PRDM14: variants seen among roughly 807,000 people sequenced by gnomAD.
The protein encoded by PRDM14 is PR/SET domain 14.
PRDM14 carries 16 observed loss-of-function variants against 48.0 expected under a neutral mutation model. The observed-to-expected ratio is 0.33, with a 90% CI of 0.23 to 0.51. The LOEUF is 0.51. Among genes scored for constraint, PRDM14 ranks in the 20% least tolerant of loss-of-function variants. PRDM14 has a pLI of 0.97. For missense variants in PRDM14, 566 were observed against 719.6 expected, an observed-to-expected ratio of 0.79 and a Z score of 2.44; for synonymous variants, 264 against 276.6, an observed-to-expected ratio of 0.95 and a Z score of 0.45.
chr8:70,056,968 CTTTT>C (rs34066424), intron 6 of PRDM14, among the ~76,000 whole-genome samples: 3 of 137,958 alleles, frequency 2.2e-5, no homozygotes, highest in Non-Finnish European at 1.6e-5. Flanking sequence ...AGTTTCTTTT[CTTTT>C]TTTTTTTTTT....
intron 6 of PRDM14, 139 bp downstream of exon 6, chr8:70,058,501 A>G (rs1356136265): frequency 7.2e-6 from 5 of 697,984 alleles, no homozygotes; most frequent in Non-Finnish European, 1.3e-5. Flanking sequence ...CCGTAATACT[A>G]TCCTCTCCTC....
In PRDM14 at chr8:70,069,679, G is replaced by A; in HGVS notation, c.182C>T (p.Ser61Phe). ...GAAGGGGGGCATGGCGGGGGCAGCA[G>A]ACGCTGCGGCCTCCAGCTGCCGGAA... The part of the protein sequence containing the change: ...QPFRQLEAAA[S>F]AAPAMPPFPF... Residue 61 changes from serine (S) to phenylalanine (F), a missense_variant, in exon 2 of 8, where the codon TCT becomes TTT. Ser to Phe is a radical substitution (Grantham distance 155). Around this residue, in one of 3 missense-constraint regions of PRDM14, gnomAD observed 410 missense variants for 424.6 expected, o/e 0.97. Coordinates refer to ENST00000276594, the MANE Select transcript of PRDM14 (RefSeq NM_024504.4). The A allele has an allele frequency of 6.4e-7, 1 of 1,551,128 alleles. No homozygotes were observed. Among genetic ancestry groups the A allele is most frequent in the Non-Finnish European group, 8.7e-7 (1 of 1,148,734 alleles).
intron 5 of PRDM14, among the ~76,000 whole-genome samples, chr8:70,059,595 T>C (rs988228090): frequency 6.6e-6 from 1 of 152,102 alleles, no homozygotes; most frequent in Non-Finnish European, 1.5e-5. Context: ...AAAAACCTTT[T>C]TATTACAGAA....
At chr8:70,064,362 C>A (rs1456731807) in intron 5 of PRDM14, among the ~76,000 whole-genome samples, 1 of 152,024 alleles carries the variant, frequency 6.6e-6, no homozygotes, top group Non-Finnish European at 1.5e-5. Context: ...TGCCTTATTT[C>A]ATCTCATCCC....
chr8:70,070,506 G>T (rs998255078), intron 1 of PRDM14, among the ~76,000 whole-genome samples: 1 of 152,030 alleles, frequency 6.6e-6, no homozygotes, highest in Non-Finnish European at 1.5e-5. Flanking sequence ...CTCTGGCCCA[G>T]CGGTGTGACC....
chr8:70,063,283 A>G (rs1805615207), intron 5 of PRDM14, among the ~76,000 whole-genome samples: 1 of 151,722 alleles, frequency 6.6e-6, no homozygotes, highest in Admixed American at 6.6e-5. Flanking sequence ...AAAATACAAA[A>G]ATTAGCTGGG....
chr8:70,052,130 A>T lies in PRDM14; in HGVS notation c.1663T>A (p.Phe555Ile). ...GCSCSICGKI[F>I]SDQETFYSHM... ...GAGTAGAATGTTTCTTGATCTGAGA[A>T]GATTTTCCCACAGATGCTGCATGAG... The change falls in exon 8 of 8, where the codon TTC becomes ATC. Residue 555 changes from phenylalanine to isoleucine, a missense_variant. Phe to Ile is a conservative substitution (Grantham distance 21). Transcript: ENST00000276594. 1 of 1,612,878 alleles carries T rather than the reference A, an allele frequency of 6.2e-7. No individual in the cohort carries two copies. The highest frequency in any genetic ancestry group is 8.5e-7 in the Non-Finnish European group (1 of 1,179,836).
In PRDM14 at chr8:70,068,541, A is replaced by C. The variant is rs1336825064; in HGVS notation, c.701-9T>G. On this transcript the variant is annotated splice_polypyrimidine_tract_variant and intron_variant, in intron 2 of 7. Transcript: ENST00000276594. ...AGGAAGAGAATCAGATCCTAGCAAA[A>C]GGCAGGTTAAAACAATTTTTCATTA... 6.2e-7 allele frequency: 1 copy of C among 1,613,864 alleles called. No individual in the cohort carries two copies. The highest frequency in any genetic ancestry group is 8.5e-7 in the Non-Finnish European group (1 of 1,179,782).
chr8:70,055,560 CA>C (rs1805459572), intron 6 of PRDM14, among the ~76,000 whole-genome samples, 159 bp from the exon 7 acceptor site: 1 of 150,902 alleles, frequency 6.6e-6, no homozygotes, highest in East Asian at 1.9e-4. Context: ...GACTGGACTG[CA>C]GTGGCACAAT....
chr8:70,064,351 G>A (rs528204974), intron 5 of PRDM14, among the ~76,000 whole-genome samples: 5 of 151,396 alleles, frequency 3.3e-5, no homozygotes, highest in East Asian at 1.9e-4. Context: ...CCTCTTACAC[G>A]TGCCTTATTT....
chr8:70,061,465 A>G (rs1384717063), intron 5 of PRDM14, among the ~76,000 whole-genome samples: 1 of 152,206 alleles, frequency 6.6e-6, no homozygotes, highest in Non-Finnish European at 1.5e-5. Flanking sequence ...CATTAAGTAA[A>G]TAACCAGGAA....
chr8:70,053,937 G>A (rs546758538), intron 7 of PRDM14, among the ~76,000 whole-genome samples: 5 of 152,146 alleles, frequency 3.3e-5, no homozygotes, highest in African/African-American at 4.8e-5. Context: ...CATTACCCAC[G>A]CTGTCCATCT....
At chr8:70,056,722 G>A (rs1056774333) in intron 6 of PRDM14, among the ~76,000 whole-genome samples, 2 of 150,596 alleles carry the variant, frequency 1.3e-5, no homozygotes, top group African/African-American at 4.9e-5. Context: ...GGGAGGCTGA[G>A]GTTGGGTGAT....
intron 5 of PRDM14, among the ~76,000 whole-genome samples, chr8:70,061,021 G>A (rs754430385): frequency 3.9e-5 from 6 of 152,230 alleles, no homozygotes; most frequent in South Asian, 4.1e-4. Context: ...AACACTTACC[G>A]AGTCTTACCA....
chr8:70,069,676 G>A lies in PRDM14; in HGVS notation c.185C>T (p.Ala62Val). ...PFRQLEAAASAAPAMPPFPFR... is the reference protein window; with the variant it reads ...PFRQLEAAASVAPAMPPFPFR... ...GGGGAAGGGGGGCATGGCGGGGGCAGCAGACGCTGCGGCCTCCAGCTGCCG... is the reference window on the plus strand; with the variant it reads ...GGGGAAGGGGGGCATGGCGGGGGCAACAGACGCTGCGGCCTCCAGCTGCCG... The change falls in exon 2 of 8, where the codon GCT becomes GTT. Residue 62 changes from alanine to valine, a missense_variant. Ala to Val is a moderately conservative substitution (Grantham distance 64). Coordinates refer to ENST00000276594, the MANE Select transcript of PRDM14 (RefSeq NM_024504.4). 2 of 1,549,468 alleles carry A rather than the reference G, an allele frequency of 1.3e-6. No individual in the cohort carries two copies. The highest frequency in any genetic ancestry group is 1.7e-6 in the Non-Finnish European group (2 of 1,148,136).
At chr8:70,058,886 C>T (rs1397173754) in intron 5 of PRDM14, 44 bp from the exon 6 acceptor site, 3 of 1,430,422 alleles carry the variant, frequency 2.1e-6, no homozygotes, top group Admixed American at 3.5e-5. Context: ...TTACTTCCCT[C>T]CCTAGTTCCT....
At chr8:70,054,758 A>T (rs933527712) in intron 7 of PRDM14, among the ~76,000 whole-genome samples, 2 of 151,444 alleles carry the variant, frequency 1.3e-5, no homozygotes, top group Non-Finnish European at 2.9e-5. Flanking sequence ...ATCTCCAGGC[A>T]CCTGCCCACC....
At chr8:70,058,941 T>G in intron 5 of PRDM14, 99 bp from the exon 6 acceptor site, 1 of 1,049,960 alleles carries the variant, frequency 9.5e-7, no homozygotes, top group Non-Finnish European at 1.4e-6. Flanking sequence ...CCAAGAATTC[T>G]TTGGCTACTT....
At chr8:70,062,380 G>A (rs1370662539) in intron 5 of PRDM14, among the ~76,000 whole-genome samples, 7 of 152,030 alleles carry the variant, frequency 4.6e-5, no homozygotes, top group African/African-American at 1.7e-4. Context: ...TGGATTTCAG[G>A]TTTTTTTCGA....
Sources: gnomAD v4.1 joint callset for allele counts (sites outside exome capture counted in the v4.1 genomes callset) on GRCh38, gnomAD v4.1.1 for gene constraint, gnomAD v4.1.1 regional missense constraint, MANE v1.5 for transcripts, NCBI Gene and HGNC (gene_info 2026-07-23, HGNC 2026-07-21) for gene names.